The following MORF4L1 variants were observed in gnomAD, a reference collection of about 807,000 sequenced individuals.
MORF4L1 encodes the protein mortality factor 4-like protein 1.
MORF4L1 carries 4 observed loss-of-function variants against 52.9 expected under a neutral mutation model. The observed-to-expected ratio is 0.08, with a 90% CI of 0.04 to 0.17. The LOEUF is 0.17. MORF4L1 is among the 10% of genes least tolerant of loss of function. The probability of loss-of-function intolerance (pLI) is 1.00; values close to 1 mark genes in which losing one functional copy is unlikely to be tolerated. For synonymous variants in MORF4L1, 123 were observed against 134.8 expected (o/e 0.91, Z 0.61); for missense variants, 214 against 390.4 (o/e 0.55, Z 3.81).
At chr15:78,881,043 A>G (rs1226899962) in intron 3 of MORF4L1, among the ~76,000 whole-genome samples, 4 of 152,066 alleles carry the variant, frequency 2.6e-5, no homozygotes, top group Admixed American at 6.6e-5. Flanking sequence ...GGAAATAAAG[A>G]CAGAATTTAC....
At chr15:78,874,875 GA>G (rs1386788410) in intron 1 of MORF4L1, among the ~76,000 whole-genome samples, 3 of 149,724 alleles carry the variant, frequency 2.0e-5, no homozygotes, top group East Asian at 2.0e-4. Context: ...AATTGAGGAA[GA>G]TTTTTTTTTC....
At chr15:78,873,186 T>G (rs1190656053) in intron 1 of MORF4L1, 129 bp downstream of exon 1, 4 of 1,521,766 alleles carry the variant, frequency 2.6e-6, no homozygotes. Flanking sequence ...CAGTGCTTTG[T>G]GCGGGGAAAG....
chr15:78,891,795 A>G (rs2056806133), intron 7 of MORF4L1: 2 of 505,100 alleles, frequency 4.0e-6, no homozygotes, highest in East Asian at 3.2e-5. Context: ...TGTAAGCTTC[A>G]TGTTCACCTA....
At chr15:78,884,074 C>G (rs2056650512) in intron 3 of MORF4L1, among the ~76,000 whole-genome samples, 1 of 151,660 alleles carries the variant, frequency 6.6e-6, no homozygotes, top group African/African-American at 2.4e-5. Flanking sequence ...TGTGGTGGTT[C>G]ATGCCTGTAA....
intron 3 of MORF4L1, 106 bp from the exon 4 acceptor site, chr15:78,886,035 G>C: frequency 1.3e-6 from 1 of 775,208 alleles, no homozygotes; most frequent in Non-Finnish European, 2.3e-6. Context: ...TGTAGTGCCA[G>C]TTCATCAAAT....
chr15:78,877,112 GAT>G (rs1596238910), intron 1 of MORF4L1, among the ~76,000 whole-genome samples: 1 of 94,500 alleles, frequency 1.1e-5, no homozygotes, highest in African/African-American at 4.2e-5. Flanking sequence ...ACGCCCGGCT[GAT>G]TTTTTTTTTT....
At chr15:78,885,817 A>G (rs2056692910) in intron 3 of MORF4L1, among the ~76,000 whole-genome samples, 1 of 152,222 alleles carries the variant, frequency 6.6e-6, no homozygotes, top group Non-Finnish European at 1.5e-5. Context: ...ATTTTTGACA[A>G]TAAAAGTCTT....
intron 8 of MORF4L1, among the ~76,000 whole-genome samples, chr15:78,893,242 T>C (rs1047216183): frequency 1.3e-5 from 2 of 152,236 alleles, no homozygotes; most frequent in African/African-American, 4.8e-5. Context: ...AAAGCTGTGC[T>C]GTTCTGTCTA....
chr15:78,894,664 T>G lies in MORF4L1; in HGVS notation c.803-156T>G. On this transcript the variant is annotated intron_variant, in intron 10 of 11. Coordinates refer to ENST00000426013, the MANE Select transcript of MORF4L1 (RefSeq NM_006791.4). ...CCTCAAGCGATCGCCTATCTCGGCC[T>G]CCCAAAGTGCTGGGATTACAGGCGT... 3 of 618,456 alleles carry G rather than the reference T, an allele frequency of 4.9e-6. No homozygotes were observed. The South Asian group carries it at 6.2e-5, about 13-fold the overall frequency. The allele number at this position is 618,456 out of a possible 1,614,324, so 38.3% of individuals were successfully genotyped here. A position where few individuals can be genotyped will look rare whatever the true frequency, so the allele number is the denominator to read the frequency against.
chr15:78,874,583 C>CTTTTTTTTTTTTTT (rs56665378), intron 1 of MORF4L1, among the ~76,000 whole-genome samples: 73 of 112,178 alleles, frequency 6.5e-4, no homozygotes, highest in African/African-American at 7.9e-4. Context: ...CTTTTTCTTT[C>CTTTTTTTTTTTTTT]TTTTTTTTTT....
chr15:78,875,876 A>G (rs1029356698), intron 1 of MORF4L1, among the ~76,000 whole-genome samples: 6 of 152,222 alleles, frequency 3.9e-5, no homozygotes. Flanking sequence ...ATCGTCTTGA[A>G]ACACTGTAGA....
At position 78,878,203 on chromosome 15, in the gene MORF4L1, C is replaced by T. The variant is rs774701180; in HGVS notation, c.41-10C>T. ...GAAATTACAATTCAGTACTTTTTCT[C>T]CCTTTACAGGTGAGCGAGTGCTGTG... On this transcript the variant is annotated splice_polypyrimidine_tract_variant and intron_variant, in intron 1 of 11. Transcript: ENST00000426013. 54 of 1,607,230 alleles carry T rather than the reference C, an allele frequency of 3.4e-5. No individual in the cohort carries two copies. The East Asian group carries it at 4.9e-4, about 15-fold the overall frequency.
chr15:78,894,693 C>A (rs1458335200), intron 10 of MORF4L1, 127 bp from the exon 11 acceptor site: 3 of 737,688 alleles, frequency 4.1e-6, no homozygotes, highest in Middle Eastern at 3.8e-4. Context: ...CAGGCGTGAG[C>A]CACTATGCCC....
chr15:78,889,376 CT>C (rs1215900971), intron 5 of MORF4L1, among the ~76,000 whole-genome samples: 3 of 152,278 alleles, frequency 2.0e-5, no homozygotes, highest in African/African-American at 7.2e-5. Flanking sequence ...TTGCGTTATA[CT>C]TACCTGTTGA....
chr15:78,878,876 C>A (rs562331020), intron 2 of MORF4L1, among the ~76,000 whole-genome samples: 1 of 152,058 alleles, frequency 6.6e-6, no homozygotes, highest in South Asian at 2.1e-4. Context: ...CTTAAACAGT[C>A]GTAGCTCCAA....
intron 3 of MORF4L1, chr15:78,885,040 C>A (rs2056675108): frequency 1.2e-6 from 2 of 1,614,024 alleles, no homozygotes; most frequent in African/African-American, 2.7e-5. Context: ...TTTTCCTGTT[C>A]CTGAAGGAGC....
chr15:78,885,851 T>A (rs990649737), intron 3 of MORF4L1, among the ~76,000 whole-genome samples: 1 of 152,230 alleles, frequency 6.6e-6, no homozygotes, highest in African/African-American at 2.4e-5. Context: ...GACTAATCAC[T>A]TAGTGAATCT....
In MORF4L1 at chr15:78,891,584, TTGTGTTTATGAA is replaced by T; in HGVS notation, c.438+14_438+25del. Reference sequence around the variant, plus strand: ...CTACTGTTGAAAATGTGAGTTTTTCTTGTGTTTATGAATAGCATGTTAGGATTTTTAGTCTCA... The same window carrying T: ...CTACTGTTGAAAATGTGAGTTTTTCTTAGCATGTTAGGATTTTTAGTCTCA... On this transcript the variant is annotated intron_variant, in intron 7 of 11. Coordinates refer to ENST00000426013, the MANE Select transcript of MORF4L1 (RefSeq NM_006791.4). The T allele has an allele frequency of 6.3e-7, 1 of 1,598,766 alleles. No individual in the cohort carries two copies. Among genetic ancestry groups the T allele is most frequent in the Non-Finnish European group, 8.6e-7 (1 of 1,166,600 alleles).
rs79987052 is a variant in MORF4L1, at chr15:78,894,391, T to C, written c.802+161T>C. On this transcript the variant is annotated intron_variant, in intron 10 of 11. Transcript: ENST00000426013. ...AAAATCTCTTTAGGAGCAAGAGTTT[T>C]AAAAATCGTGTATTTTATTTTATAA... 520 of 535,966 alleles carry C rather than the reference T, an allele frequency of 9.7e-4. 5 individuals carry two copies. In the East Asian group the frequency reaches 0.016, roughly 17 times the overall value. 33.2% of individuals were successfully genotyped at this position (535,966 alleles called of 1,614,324 possible). A position where few individuals can be genotyped will look rare whatever the true frequency, so the allele number is the denominator to read the frequency against.
Sources: allele counts gnomAD v4.1 joint callset (sites outside exome capture counted in the v4.1 genomes callset), GRCh38; gene constraint gnomAD v4.1.1; transcripts MANE v1.5; gene names NCBI Gene and HGNC (gene_info 2026-07-23, HGNC 2026-07-21).